Variants in CEP120 observed in about 807,000 individuals in gnomAD.
The protein encoded by CEP120 is centrosomal protein 120.
A neutral mutation model predicts 126.5 loss-of-function variants in CEP120; 113 were observed. The ratio of observed to expected loss-of-function variants is 0.89; its 90% CI spans 0.77 to 1.04. The LOEUF is 1.04. Among genes scored for constraint, CEP120 ranks in the 50% least tolerant of loss-of-function variants. CEP120 has a pLI of 0.00. For missense variants in CEP120, 1,230 were observed against 1,155.7 expected, an observed-to-expected ratio of 1.06 and a Z score of -0.93; for synonymous variants, 400 against 394.3, an observed-to-expected ratio of 1.01 and a Z score of -0.17.
intron 1 of CEP120, among the ~76,000 whole-genome samples, chr5:123,419,193 G>A (rs774123934): frequency 6.6e-6 from 1 of 152,176 alleles, no homozygotes; most frequent in African/African-American, 2.4e-5. Flanking sequence ...GAGTAGGAAT[G>A]ATCTCAACAA....
chr5:123,397,155 C>T (rs1772844898), intron 5 of CEP120, among the ~76,000 whole-genome samples: 1 of 152,092 alleles, frequency 6.6e-6, no homozygotes, highest in Non-Finnish European at 1.5e-5. Context: ...GAAACCCCAT[C>T]TCTACTAAAA....
At chr5:123,413,710 A>G (rs561349020) in intron 3 of CEP120, among the ~76,000 whole-genome samples, 21 of 152,364 alleles carry the variant, frequency 1.4e-4, no homozygotes, top group African/African-American at 4.3e-4. Context: ...GTCATGTTTG[A>G]TAAGTAAAAT....
chr5:123,355,980 T>G (rs527686539), intron 18 of CEP120, among the ~76,000 whole-genome samples: 85 of 152,146 alleles, frequency 5.6e-4, no homozygotes, highest in Middle Eastern at 6.8e-3. Flanking sequence ...GGATCCAGTT[T>G]CAGCTTTCTA....
chr5:123,346,427 A>G lies in CEP120; in HGVS notation c.*92T>C. The stretch of plus-strand genomic sequence containing the variant: ...TTGCTTATAAAAAATTGAAAATACC[A>G]TTTTAAAACATCCATTTTCCTCACT... On this transcript the variant is annotated 3_prime_UTR_variant, in exon 20 of 20. Transcript: ENST00000306467. 3.1e-6 allele frequency: 3 copies of G among 955,028 alleles called. No homozygotes were observed. Among genetic ancestry groups the G allele is most frequent in the African/African-American group, 3.3e-5 (2 of 60,524 alleles). The allele number at this position is 955,028 out of a possible 1,614,324, so 59.2% of individuals were successfully genotyped here.
intron 4 of CEP120, among the ~76,000 whole-genome samples, chr5:123,409,784 C>G (rs1012363287): frequency 2.0e-5 from 3 of 151,928 alleles, no homozygotes; most frequent in Non-Finnish European, 4.4e-5. Context: ...GTAGTGAAAC[C>G]CTCTCTCTAC....
Position 123,369,726 on chromosome 5 carries a change from G to T in CEP120, c.2481+2924C>A, listed in dbSNP as rs55784139. Among the ~76,000 whole-genome samples the T allele has an allele frequency of 9.0e-4, 137 of 152,034 alleles. No homozygotes were observed. The Middle Eastern group carries it at 0.01, about 11-fold the overall frequency. ...TTCCTTAACCACCTTATGTGGGGTG[G>T]TATCTATTCCTGACAGGCCACCTAC... is the stretch of plus-strand genomic sequence containing the variant. On this transcript the variant is annotated intron_variant, in intron 17 of 19. Coordinates refer to ENST00000306467, the MANE Select transcript of CEP120 (RefSeq NM_001375405.1).
At chr5:123,374,480 GTTTT>G (rs1228889156) in intron 16 of CEP120, among the ~76,000 whole-genome samples, 4 of 151,316 alleles carry the variant, frequency 2.6e-5, no homozygotes, top group Admixed American at 6.6e-5. Context: ...TTTTGAATGA[GTTTT>G]TTTTTAAATG....
chr5:123,364,300 G>T (rs1449761224), intron 18 of CEP120, among the ~76,000 whole-genome samples, 196 bp downstream of exon 18: 1 of 151,364 alleles, frequency 6.6e-6, no homozygotes, highest in Non-Finnish European at 1.5e-5. Context: ...TTTTTTAAAA[G>T]ACATAATTGT....
chr5:123,348,738 A>G (rs183375459), intron 19 of CEP120, among the ~76,000 whole-genome samples: 3 of 152,278 alleles, frequency 2.0e-5, no homozygotes, highest in Admixed American at 2.0e-4. Context: ...TTAACCTCTA[A>G]TGTGATGGTA....
intron 17 of CEP120, among the ~76,000 whole-genome samples, chr5:123,371,963 C>A (rs1770885940): frequency 6.6e-6 from 1 of 152,024 alleles, no homozygotes; most frequent in Non-Finnish European, 1.5e-5. Context: ...TCATAAAATG[C>A]AAGAACACAT....
Position 123,393,174 on chromosome 5 carries a change from G to T in CEP120, c.810+126C>A, listed in dbSNP as rs572515682. The T allele has an allele frequency of 1.8e-5, 15 of 820,634 alleles. No homozygotes were observed. The East Asian group carries it at 3.8e-4, about 21-fold the overall frequency. 50.8% of individuals were successfully genotyped at this position (820,634 alleles called of 1,614,324 possible). ...GTACCTAAAAAAATTAGAAGATGTG[G>T]CAGAAAGATAACCTGTACTACTGAA... On this transcript the variant is annotated intron_variant, in intron 6 of 19. Transcript: ENST00000306467.
At chr5:123,412,570 A>G in intron 3 of CEP120, 30 bp from the exon 4 acceptor site, 1 of 1,519,858 alleles carries the variant, frequency 6.6e-7, no homozygotes. Context: ...CAAAACACCT[A>G]ATAGTTAATA....
At chr5:123,347,730 C>T (rs1768930969) in intron 19 of CEP120, among the ~76,000 whole-genome samples, 1 of 152,132 alleles carries the variant, frequency 6.6e-6, no homozygotes, top group East Asian at 1.9e-4. Flanking sequence ...ACTGCAGCCT[C>T]GACCTCCTGG....
intron 17 of CEP120, 94 bp downstream of exon 17, chr5:123,372,556 C>T: frequency 1.6e-6 from 2 of 1,276,320 alleles, no homozygotes; most frequent in Middle Eastern, 2.3e-4. Context: ...CAGAACACTA[C>T]AGCAAAACAT....
At chr5:123,412,913 C>T (rs772887476) in intron 3 of CEP120, among the ~76,000 whole-genome samples, 1 of 152,250 alleles carries the variant, frequency 6.6e-6, no homozygotes, top group African/African-American at 2.4e-5. Flanking sequence ...TATCTTCTCA[C>T]GTTTTTAAAT....
At position 123,418,428 on chromosome 5, in the gene CEP120, TG is replaced by T. The variant is rs756397404; in HGVS notation, c.136del (p.His46ThrfsTer11). ...AGTAGCAAATTCTGGCTGGTCAGTG[TG>T]GTCCACAGGATCAGTAGCCAACTGT... is the stretch of plus-strand genomic sequence containing the variant. ...GEQLATDPVD[H>X]TDQPEFATEL... On this transcript the variant is annotated frameshift_variant, in exon 2 of 20. Transcript: ENST00000306467. LOFTEE classifies it high-confidence loss of function. 6.2e-7 allele frequency: 1 copy of T among 1,613,212 alleles called. No homozygotes were observed. Among genetic ancestry groups the T allele is most frequent in the Non-Finnish European group, 8.5e-7 (1 of 1,179,288 alleles).
intron 9 of CEP120, 123 bp downstream of exon 9, chr5:123,388,309 T>A (rs1467251927): frequency 8.4e-6 from 5 of 596,132 alleles, no homozygotes; most frequent in Non-Finnish European, 1.3e-5. Context: ...CTTACCCCCT[T>A]TTAGTCCACT....
At chr5:123,396,176 C>T (rs1772780060) in intron 5 of CEP120, among the ~76,000 whole-genome samples, 1 of 151,934 alleles carries the variant, frequency 6.6e-6, no homozygotes, top group Non-Finnish European at 1.5e-5. Flanking sequence ...TATAGATATG[C>T]CAAAGTTTGT....
rs1223897365 is a variant in CEP120, at chr5:123,354,816, G to C, written c.2581-4727C>G. 4.0e-5 allele frequency among the ~76,000 whole-genome samples: 6 copies of C among 151,646 alleles called. No individual in the cohort carries two copies. In the East Asian group the frequency reaches 1.2e-3, roughly 29 times the overall value. ...TATTTTTATTATACTTTAAGTTCTA[G>C]GGTACATGTGCACAACATGCAAGTT... On this transcript the variant is annotated intron_variant, in intron 18 of 19. Transcript: ENST00000306467.
Sources: gnomAD v4.1 joint callset for allele counts (sites outside exome capture counted in the v4.1 genomes callset) on GRCh38, gnomAD v4.1.1 for gene constraint, MANE v1.5 for transcripts, NCBI Gene and HGNC (gene_info 2026-07-23, HGNC 2026-07-21) for gene names.